MAPK10: variants seen among roughly 807,000 people sequenced by gnomAD.
MAPK10 encodes the protein mitogen-activated protein kinase 10.
A neutral mutation model predicts 59.3 loss-of-function variants in MAPK10; 25 were observed. The ratio of observed to expected loss-of-function variants is 0.42; its 90% CI spans 0.31 to 0.59. MAPK10 has a LOEUF of 0.59. Ranked by LOEUF, MAPK10 falls within the 20% of genes least tolerant of loss-of-function variation. The probability of loss-of-function intolerance (pLI) is 0.15; values close to 1 mark genes in which losing one functional copy is unlikely to be tolerated. For synonymous variants in MAPK10, 190 were observed against 200.5 expected (o/e 0.95, Z 0.44); for missense variants, 351 against 568.9 (o/e 0.62, Z 3.90).
intron 4 of MAPK10, among the ~76,000 whole-genome samples, chr4:86,156,306 G>A (rs1297894826): frequency 1.3e-5 from 2 of 151,828 alleles, no homozygotes; most frequent in African/African-American, 4.8e-5. Flanking sequence ...AACATAAAAT[G>A]TATCATCTTA....
intron 1 of MAPK10, among the ~76,000 whole-genome samples, chr4:86,420,283 A>T (rs962611888): frequency 3.9e-5 from 6 of 152,202 alleles, no homozygotes; most frequent in African/African-American, 1.4e-4. Flanking sequence ...TTGGAATACA[A>T]TGCTTACCAC....
chr4:86,367,550 T>C (rs781433962), intron 1 of MAPK10, among the ~76,000 whole-genome samples: 1 of 152,126 alleles, frequency 6.6e-6, no homozygotes, highest in Non-Finnish European at 1.5e-5. Context: ...CCAAGGAAGC[T>C]GAGAGGCCAA....
At chr4:86,278,147 A>T (rs1252531753) in intron 2 of MAPK10, among the ~76,000 whole-genome samples, 1 of 152,160 alleles carries the variant, frequency 6.6e-6, no homozygotes, top group Non-Finnish European at 1.5e-5. Flanking sequence ...GTACAATCTT[A>T]AATATCCAAG....
intron 13 of MAPK10, among the ~76,000 whole-genome samples, chr4:86,021,776 G>A (rs866215905): frequency 3.3e-5 from 5 of 152,238 alleles, no homozygotes; most frequent in South Asian, 2.1e-4. Flanking sequence ...AAGGCCCGGC[G>A]AGAAATCGAG....
At chr4:86,168,706 G>T (rs545054574) in intron 3 of MAPK10, among the ~76,000 whole-genome samples, 3 of 152,240 alleles carry the variant, frequency 2.0e-5, no homozygotes, top group Non-Finnish European at 4.4e-5. Flanking sequence ...TTTGAAGAGA[G>T]CAGTGGTTCT....
chr4:86,301,862 A>C (rs1246439408), intron 2 of MAPK10, among the ~76,000 whole-genome samples: 1 of 152,224 alleles, frequency 6.6e-6, no homozygotes, highest in Non-Finnish European at 1.5e-5. Context: ...AACTTTAAAA[A>C]AATCACAGTA....
intron 2 of MAPK10, among the ~76,000 whole-genome samples, chr4:86,339,357 A>G (rs145577835): frequency 3.9e-5 from 6 of 152,284 alleles, no homozygotes; most frequent in Non-Finnish European, 7.4e-5. Context: ...AAAAGGACTG[A>G]AGGCTTCATT....
At chr4:86,063,747 G>C (rs1024092844) in intron 11 of MAPK10, among the ~76,000 whole-genome samples, 2 of 152,162 alleles carry the variant, frequency 1.3e-5, no homozygotes, top group East Asian at 1.9e-4. Flanking sequence ...TCAACCTGAA[G>C]TAATGTACTT....
intron 4 of MAPK10, 157 bp downstream of exon 4, chr4:86,159,141 T>C (rs2068742826): frequency 2.0e-6 from 1 of 494,276 alleles, no homozygotes; most frequent in Non-Finnish European, 3.4e-6. Context: ...AAATTAAACA[T>C]AATGCTCATA....
chr4:86,315,232 A>T (rs1009239395), intron 2 of MAPK10, among the ~76,000 whole-genome samples: 4 of 152,074 alleles, frequency 2.6e-5, no homozygotes, highest in Non-Finnish European at 4.4e-5. Context: ...AAGGATGGTT[A>T]CCAGAGGGTG....
chr4:86,045,192 C>G (rs2042270246), intron 11 of MAPK10, among the ~76,000 whole-genome samples: 1 of 152,032 alleles, frequency 6.6e-6, no homozygotes, highest in Non-Finnish European at 1.5e-5. Context: ...TTTATTAGCT[C>G]TACACCATCA....
chr4:86,169,282 T>C (rs1249013553), intron 3 of MAPK10, among the ~76,000 whole-genome samples: 1 of 152,046 alleles, frequency 6.6e-6, no homozygotes. Flanking sequence ...CAGGAGGAAA[T>C]TCAAACCAAA....
intron 4 of MAPK10, among the ~76,000 whole-genome samples, chr4:86,130,001 G>A (rs545697445): frequency 7.9e-5 from 12 of 152,228 alleles, no homozygotes; most frequent in South Asian, 6.2e-4. Context: ...GTGCACATGC[G>A]TAGATTCAAT....
chr4:86,173,654 G>A (rs1010163434), intron 3 of MAPK10, among the ~76,000 whole-genome samples: 2 of 151,804 alleles, frequency 1.3e-5, no homozygotes, highest in Middle Eastern at 6.8e-3. Flanking sequence ...CTAAAGAGCT[G>A]GTGCACAGCA....
At chr4:86,070,690 T>C in intron 9 of MAPK10, among the ~76,000 whole-genome samples, 3 of 150,444 alleles carry the variant, frequency 2.0e-5, no homozygotes, top group African/African-American at 7.4e-5. Context: ...TGATTTCCAG[T>C]TTCATCCATG....
chr4:86,074,493 G>T (rs1473365023), intron 9 of MAPK10, among the ~76,000 whole-genome samples: 1 of 145,566 alleles, frequency 6.9e-6, no homozygotes, highest in Non-Finnish European at 1.5e-5. Flanking sequence ...TAGTCTCGAT[G>T]GTCTTTACAT....
intron 1 of MAPK10, among the ~76,000 whole-genome samples, chr4:86,544,427 A>G (rs1758981581): frequency 1.3e-5 from 2 of 152,242 alleles, no homozygotes; most frequent in Admixed American, 6.5e-5. Flanking sequence ...CCTACATACT[A>G]TTCTTACTGG....
intron 4 of MAPK10, among the ~76,000 whole-genome samples, chr4:86,130,125 G>A (rs1006740548): frequency 6.6e-6 from 1 of 152,056 alleles, no homozygotes; most frequent in Non-Finnish European, 1.5e-5. Context: ...AAATTCTATT[G>A]TAGCATTTCT....
At chr4:86,086,832 T>G (rs1476595687) in intron 9 of MAPK10, among the ~76,000 whole-genome samples, 1 of 152,140 alleles carries the variant, frequency 6.6e-6, no homozygotes, top group Non-Finnish European at 1.5e-5. Flanking sequence ...GGTTAATTAT[T>G]TGATATTCAG....
Sources: gnomAD v4.1 joint callset for allele counts (sites outside exome capture counted in the v4.1 genomes callset) on GRCh38, gnomAD v4.1.1 for gene constraint, MANE v1.5 for transcripts, NCBI Gene and HGNC (gene_info 2026-07-23, HGNC 2026-07-21) for gene names.